The following RWDD1 variants were observed in gnomAD, a reference collection of about 807,000 sequenced individuals.
RWDD1 encodes the protein RWD domain containing 1.
A neutral mutation model predicts 31.6 loss-of-function variants in RWDD1; 17 were observed. That is an observed-to-expected ratio of 0.54 (90% confidence interval 0.37 to 0.81). RWDD1 has a LOEUF of 0.81. Ranked by LOEUF, RWDD1 falls within the 30% of genes least tolerant of loss-of-function variation. The probability of loss-of-function intolerance (pLI) is 0.00; values close to 1 mark genes in which losing one functional copy is unlikely to be tolerated. For missense variants in RWDD1, 204 were observed against 274.5 expected (o/e 0.74, Z 1.82); for synonymous variants, 78 against 94.2 (o/e 0.83, Z 0.99).
intron 6 of RWDD1, 27 bp from the exon 7 acceptor site, chr6:116,592,949 ATTTT>A: frequency 4.2e-6 from 6 of 1,440,174 alleles, no homozygotes; most frequent in South Asian, 2.5e-5. Context: ...ACTAAAGGAG[ATTTT>A]TTTTTTTTTT....
At chr6:116,580,262 A>T in intron 1 of RWDD1, 33 bp from the exon 2 acceptor site, 1 of 1,517,074 alleles carries the variant, frequency 6.6e-7, no homozygotes, top group South Asian at 1.2e-5. Flanking sequence ...CTTAGAAAGC[A>T]TTTCAATAAC....
At chr6:116,587,790 A>G (rs1775071024) in intron 3 of RWDD1, among the ~76,000 whole-genome samples, 1 of 152,012 alleles carries the variant, frequency 6.6e-6, no homozygotes, top group Non-Finnish European at 1.5e-5. Flanking sequence ...CTTGTATTCC[A>G]AGCTGAAAAT....
chr6:116,574,529 T>C (rs546443575), intron 1 of RWDD1, among the ~76,000 whole-genome samples: 217 of 152,312 alleles, frequency 1.4e-3, no homozygotes, highest in Non-Finnish European at 2.7e-3. Flanking sequence ...TATCTCTTAA[T>C]GTACCTTTTA....
chr6:116,582,581 A>G (rs1774966138), intron 2 of RWDD1, among the ~76,000 whole-genome samples: 2 of 152,128 alleles, frequency 1.3e-5, no homozygotes, highest in South Asian at 4.1e-4. Flanking sequence ...GAAGTTATTC[A>G]TCCTGTCTTA....
chr6:116,596,992 G>A lies in RWDD1; in HGVS notation c.*3891G>A, dbSNP rs528838312. 1.3e-5 allele frequency: 2 copies of A among 152,248 alleles called. No individual in the cohort carries two copies. Among genetic ancestry groups the A allele is most frequent in the Admixed American group, 1.3e-4 (2 of 15,286 alleles). 9.4% of individuals were successfully genotyped at this position (152,248 alleles called of 1,614,324 possible). The stretch of plus-strand genomic sequence containing the variant: ...CAAAGTCACTCTGCGATTTCAGTAA[G>A]GCCCATTCCCAACATGAGTGCTGCT... On this transcript the variant is annotated 3_prime_UTR_variant, in exon 7 of 7. Transcript: ENST00000466444.
chr6:116,580,481 T>G, intron 2 of RWDD1, 121 bp downstream of exon 2: 1 of 531,548 alleles, frequency 1.9e-6, no homozygotes, highest in Non-Finnish European at 3.3e-6. Context: ...GAATCTGCTA[T>G]GAATGTTGTA....
intron 2 of RWDD1, among the ~76,000 whole-genome samples, chr6:116,581,695 C>A (rs1774949582): frequency 6.6e-6 from 1 of 151,904 alleles, no homozygotes; most frequent in Non-Finnish European, 1.5e-5. Flanking sequence ...AATAATATAT[C>A]CAGCAAATTA....
At chr6:116,573,823 CT>C (rs200209942) in intron 1 of RWDD1, among the ~76,000 whole-genome samples, 59 of 147,098 alleles carry the variant, frequency 4.0e-4, no homozygotes, top group Non-Finnish European at 5.0e-4. Context: ...AATAGATATA[CT>C]TTTTTTTTTT....
At chr6:116,572,825 A>G (rs1774767144) in intron 1 of RWDD1, 3 of 985,076 alleles carry the variant, frequency 3.0e-6, no homozygotes, top group Admixed American at 6.1e-5. Context: ...ACTGCTTGCA[A>G]TGGTAGCAAA....
chr6:116,571,709 A>T, intron 1 of RWDD1, 54 bp downstream of exon 1: 1 of 1,541,812 alleles, frequency 6.5e-7, no homozygotes, highest in Non-Finnish European at 8.9e-7. Flanking sequence ...TAGGACGGGC[A>T]GGAGCTGCCG....
intron 2 of RWDD1, 96 bp downstream of exon 2, chr6:116,580,456 C>A: frequency 1.3e-6 from 1 of 784,876 alleles, no homozygotes; most frequent in Non-Finnish European, 2.0e-6. Flanking sequence ...TGTGGAGGTG[C>A]TAAGGGGCTG....
At chr6:116,577,570 T>G in intron 1 of RWDD1, among the ~76,000 whole-genome samples, 1 of 151,650 alleles carries the variant, frequency 6.6e-6, no homozygotes, top group Non-Finnish European at 1.5e-5. Context: ...GTCTGATTTT[T>G]TTGTTACTAC....
chr6:116,590,916 T>C lies in RWDD1; in HGVS notation c.576T>C (p.Asn192=). 1 of 1,571,630 alleles carries C rather than the reference T, an allele frequency of 6.4e-7. No homozygotes were observed. Among genetic ancestry groups the C allele is most frequent in the Non-Finnish European group, 8.6e-7 (1 of 1,166,246 alleles). The part of the protein sequence containing the change: ...SGKQLFETDH[N]LDTSDIQFLE... ...AACAACTATTTGAAACAGATCATAA[T>C]CTTGACACATCTGATATCCAGTTCT... is the stretch of plus-strand genomic sequence containing the variant. Residue 192 remains asparagine (N), a synonymous_variant, in exon 6 of 7, where the codon AAT becomes AAC. Transcript: ENST00000466444.
chr6:116,591,095 TA>T, intron 6 of RWDD1, 145 bp downstream of exon 6: 1 of 1,022,106 alleles, frequency 9.8e-7, no homozygotes, highest in Non-Finnish European at 1.3e-6. Flanking sequence ...ACCCTGACTC[TA>T]TTAAAAAAAA....
chr6:116,594,552 G>A lies in RWDD1; in HGVS notation c.*1451G>A, dbSNP rs911478962. 4 of 152,070 alleles carry A rather than the reference G, an allele frequency of 2.6e-5. No individual in the cohort carries two copies. The highest frequency in any genetic ancestry group is 9.7e-5 in the African/African-American group (4 of 41,404). 9.4% of individuals were successfully genotyped at this position (152,070 alleles called of 1,614,324 possible). A position where few individuals can be genotyped will look rare whatever the true frequency, so the allele number is the denominator to read the frequency against. The stretch of plus-strand genomic sequence containing the variant: ...TGTAGTCGTGAAGTCTATATATTTT[G>A]GTATTTTCTTTACCTCTTCTCTAAT... On this transcript the variant is annotated 3_prime_UTR_variant, in exon 7 of 7. Transcript: ENST00000466444.
chr6:116,583,672 T>A (rs1348119912), intron 2 of RWDD1, among the ~76,000 whole-genome samples: 3 of 151,786 alleles, frequency 2.0e-5, no homozygotes, highest in African/African-American at 7.3e-5. Flanking sequence ...ATTTGTCAAG[T>A]ATACCTTAAG....
chr6:116,591,094 CT>C, intron 6 of RWDD1, 144 bp downstream of exon 6: 1 of 917,614 alleles, frequency 1.1e-6, no homozygotes, highest in Non-Finnish European at 1.4e-6. Flanking sequence ...GACCCTGACT[CT>C]ATTAAAAAAA....
chr6:116,597,174 A>C lies in RWDD1; in HGVS notation c.*4073A>C, dbSNP rs1388350525. 1.3e-5 allele frequency: 2 copies of C among 152,230 alleles called. No homozygotes were observed. Among genetic ancestry groups the C allele is most frequent in the Non-Finnish European group, 2.9e-5 (2 of 68,044 alleles). The allele number at this position is 152,230 out of a possible 1,614,324, so 9.4% of individuals were successfully genotyped here. On this transcript the variant is annotated 3_prime_UTR_variant, in exon 7 of 7. Transcript: ENST00000466444. ...GAGGGGAGGGGAGAGATAGCAAGTG[A>C]GAAAAAGAGAGACTAGTGGTGATGT...
Position 116,590,964 on chromosome 6 carries a change from A to G in RWDD1, c.610+14A>G, listed in dbSNP as rs900476446. ...TCTTGGAGGATGGTAAGATAATAGT[A>G]GAATTCCACATGTGGGACAGGCACA... On this transcript the variant is annotated intron_variant, in intron 6 of 6. Transcript: ENST00000466444. 7.7e-6 allele frequency: 12 copies of G among 1,566,600 alleles called. No homozygotes were observed. Among genetic ancestry groups the G allele is most frequent in the Non-Finnish European group, 1.0e-5 (12 of 1,165,218 alleles).
Sources: gnomAD v4.1 joint callset for allele counts (sites outside exome capture counted in the v4.1 genomes callset) on GRCh38, gnomAD v4.1.1 for gene constraint, MANE v1.5 for transcripts, NCBI Gene and HGNC (gene_info 2026-07-23, HGNC 2026-07-21) for gene names.